Variants in DMD observed in about 807,000 individuals in gnomAD.
The protein encoded by DMD is dystrophin, also known as mutant dystrophin.
Under a neutral mutation model 330.1 loss-of-function variants are expected in DMD, and 63 were observed. The ratio of observed to expected loss-of-function variants is 0.19; its 90% CI spans 0.16 to 0.24. The LOEUF (loss-of-function observed/expected upper bound fraction) is 0.24, where lower values mean the gene tolerates loss of function less well. Ranked by LOEUF, DMD falls within the 10% of genes least tolerant of loss-of-function variation. The probability of loss-of-function intolerance (pLI) is 1.00; values close to 1 mark genes in which losing one functional copy is unlikely to be tolerated. For missense variants in DMD, 3,344 were observed against 2,684.1 expected, an observed-to-expected ratio of 1.25 and a Z score of -5.43; for synonymous variants, 1,223 against 959.8, an observed-to-expected ratio of 1.27 and a Z score of -5.07.
At chrX:33,024,363 A>T (rs34922386) in intron 1 of DMD, among the ~76,000 whole-genome samples, 10,830 of 111,872 alleles carry the variant, frequency 0.097, 728 homozygotes, top group African/African-American at 0.23. Flanking sequence ...CATATTAATA[A>T]GAGAGGCAAA....
chrX:33,201,458 G>A (rs748482213), intron 1 of DMD, among the ~76,000 whole-genome samples: 3 of 111,103 alleles, frequency 2.7e-5, no homozygotes, highest in Non-Finnish European at 3.8e-5. Context: ...TCATATATAT[G>A]AGAATGCCAA....
chrX:32,554,878 G>GAAGAAAGAAAGA (rs769646135), intron 16 of DMD, among the ~76,000 whole-genome samples: 20 of 32,722 alleles, frequency 6.1e-4, no homozygotes, highest in East Asian at 1.6e-3. Flanking sequence ...GAGAAGGAAA[G>GAAGAAAGAAAGA]AAGAAAGAAA....
At chrX:32,353,597 T>A (rs1488738062) in intron 37 of DMD, among the ~76,000 whole-genome samples, 1 of 111,377 alleles carries the variant, frequency 9.0e-6, no homozygotes, top group Non-Finnish European at 1.9e-5. Context: ...GCACACAAAA[T>A]AGGTTTTAGT....
chrX:31,919,986 T>G (rs2094666492), intron 47 of DMD, among the ~76,000 whole-genome samples: 1 of 112,036 alleles, frequency 8.9e-6, no homozygotes, highest in African/African-American at 3.2e-5. Context: ...CCAGGCCTAA[T>G]CCAACAATCC....
chrX:32,955,619 A>G (rs1307752477), intron 2 of DMD, among the ~76,000 whole-genome samples: 1 of 111,403 alleles, frequency 9.0e-6, no homozygotes, highest in African/African-American at 3.3e-5. Context: ...GTCTGTTCCT[A>G]TGTCCTAAAT....
intron 9 of DMD, among the ~76,000 whole-genome samples, chrX:32,672,359 GACAC>G (rs201227275): frequency 7.4e-4 from 82 of 110,879 alleles, no homozygotes; most frequent in Non-Finnish European, 1.3e-3. Flanking sequence ...AATAAAATTA[GACAC>G]ACACACACTT....
At chrX:32,625,405 G>A (rs918201320) in intron 11 of DMD, among the ~76,000 whole-genome samples, 4 of 110,733 alleles carry the variant, frequency 3.6e-5, no homozygotes, top group African/African-American at 6.6e-5. Context: ...CATAGCTAGC[G>A]GCTGCAATAT....
chrX:32,599,539 G>A (rs769831011), intron 12 of DMD, among the ~76,000 whole-genome samples: 2 of 111,955 alleles, frequency 1.8e-5, no homozygotes, highest in African/African-American at 6.5e-5. Flanking sequence ...TTTATACAAC[G>A]GAGATTTATA....
intron 4 of DMD, among the ~76,000 whole-genome samples, chrX:32,843,112 C>T (rs1161988822): frequency 1.8e-5 from 2 of 111,796 alleles, no homozygotes; most frequent in Admixed American, 9.5e-5. Flanking sequence ...CGACCTGTAC[C>T]GCATTTTCTT....
Position 32,589,449 on chromosome X carries a change from CAT to C in DMD, c.1602+6306_1602+6307del, listed in dbSNP as rs770100805. 3.8e-4 allele frequency among the ~76,000 whole-genome samples: 42 copies of C among 109,348 alleles called. No individual in the cohort carries two copies. In the East Asian group the frequency reaches 8.6e-3, roughly 22 times the overall value. The allele number at this position is 109,348 out of a possible 115,157, so 95.0% of individuals were successfully genotyped here. On this transcript the variant is annotated intron_variant, in intron 13 of 78. Coordinates refer to ENST00000357033, the MANE Select transcript of DMD (RefSeq NM_004006.3). ...ATGTTTATGTATATGTATGTATATA[CAT>C]ATATATACATATGCACAAAGATGTA...
chrX:32,959,418 T>C (rs1182873743), intron 2 of DMD, among the ~76,000 whole-genome samples: 1 of 111,644 alleles, frequency 9.0e-6, no homozygotes, highest in East Asian at 2.8e-4. Flanking sequence ...GTTATCAGAT[T>C]CCAATTTTGT....
intron 1 of DMD, among the ~76,000 whole-genome samples, chrX:33,081,936 T>G (rs2094935667): frequency 9.1e-6 from 1 of 110,155 alleles, no homozygotes; most frequent in South Asian, 3.8e-4. Context: ...CTGTTTTTAA[T>G]TCCTGGGGTT....
chrX:31,321,022 A>C (rs1226559747), intron 62 of DMD, among the ~76,000 whole-genome samples: 5 of 111,591 alleles, frequency 4.5e-5, no homozygotes, highest in African/African-American at 1.6e-4. Flanking sequence ...CTCTTTAAAG[A>C]GGTGTGTGGT....
At chrX:32,119,478 C>T (rs1031964164) in intron 44 of DMD, among the ~76,000 whole-genome samples, 2 of 111,265 alleles carry the variant, frequency 1.8e-5, no homozygotes, top group South Asian at 3.8e-4. Context: ...GCTCCTAGTG[C>T]GGTTGTATGC....
intron 23 of DMD, among the ~76,000 whole-genome samples, chrX:32,467,543 A>T (rs1320924275): frequency 9.1e-6 from 1 of 109,913 alleles, no homozygotes. Flanking sequence ...CATATGTAAC[A>T]TTAATATACA....
intron 1 of DMD, among the ~76,000 whole-genome samples, chrX:33,313,463 A>C (rs1744860090): frequency 9.0e-6 from 1 of 111,710 alleles, no homozygotes; most frequent in Admixed American, 9.5e-5. Flanking sequence ...TTTGTCAGGC[A>C]CTATGGTTAA....
At chrX:32,775,269 A>AC (rs1314254438) in intron 7 of DMD, among the ~76,000 whole-genome samples, 1 of 112,125 alleles carries the variant, frequency 8.9e-6, no homozygotes, top group Non-Finnish European at 1.9e-5. Flanking sequence ...CAGTGGATCT[A>AC]CCATTCTGGG....
chrX:32,050,160 A>G (rs768976630), intron 44 of DMD, among the ~76,000 whole-genome samples: 1 of 111,766 alleles, frequency 8.9e-6, no homozygotes, highest in African/African-American at 3.2e-5. Flanking sequence ...AAATGTTCAT[A>G]GACTCTTGAT....
intron 67 of DMD, among the ~76,000 whole-genome samples, chrX:31,187,578 GAGA>G (rs1377463779): frequency 3.6e-5 from 4 of 111,124 alleles, no homozygotes; most frequent in African/African-American, 1.3e-4. Flanking sequence ...AATGCTTCAC[GAGA>G]AGGTCAAATT....
Sources: gnomAD v4.1 joint callset for allele counts (sites outside exome capture counted in the v4.1 genomes callset) on GRCh38, gnomAD v4.1.1 for gene constraint, MANE v1.5 for transcripts, NCBI Gene and HGNC (gene_info 2026-07-23, HGNC 2026-07-21) for gene names.